Variants in TMX4 observed in about 807,000 individuals in gnomAD.
TMX4 encodes thioredoxin related transmembrane protein 4.
In TMX4, 23 loss-of-function variants were observed where a neutral mutation model predicts 33.3. That is an observed-to-expected ratio of 0.69 (90% CI 0.50 to 0.98). TMX4 has a LOEUF of 0.98. Among genes scored for constraint, TMX4 ranks in the 50% least tolerant of loss-of-function variants. The probability of loss-of-function intolerance (pLI) is 0.00; values close to 1 mark genes in which losing one functional copy is unlikely to be tolerated. For synonymous variants in TMX4, 164 were observed against 161.5 expected, an observed-to-expected ratio of 1.02 and a Z score of -0.12; for missense variants, 399 against 448.9, an observed-to-expected ratio of 0.89 and a Z score of 1.01.
rs552961799 is a variant in TMX4, at chr20:7,977,506, T to C, written c.*4745A>G. ...TTTTGATGCAAATGGGAATTTACAA[T>C]AAAATGAAACAAATAGGATCAGGGA... On this transcript the variant is annotated 3_prime_UTR_variant, in exon 8 of 8. Transcript: ENST00000246024. The C allele has an allele frequency of 9.2e-5, 14 of 152,316 alleles. No individual in the cohort carries two copies. Among genetic ancestry groups the C allele is most frequent in the Admixed American group, 4.6e-4 (7 of 15,296 alleles). 9.4% of individuals were successfully genotyped at this position (152,316 alleles called of 1,614,324 possible).
intron 7 of TMX4, among the ~76,000 whole-genome samples, chr20:7,982,894 T>C (rs1226516976): frequency 6.6e-6 from 1 of 152,176 alleles, no homozygotes; most frequent in African/African-American, 2.4e-5. Flanking sequence ...ATTTTGTGTC[T>C]TGTAGAAAGC....
rs1213162346 is a variant in TMX4 at position 7,977,388 on chromosome 20, A to AT, written c.*4862dup. On this transcript the variant is annotated 3_prime_UTR_variant, in exon 8 of 8. Coordinates refer to ENST00000246024, the MANE Select transcript of TMX4 (RefSeq NM_021156.4). Reference sequence around the variant, plus strand: ...GGAAAATTTTTTTTAACAAATTAATATTTTTTGCTGCCTAGGCAAATGGCT... The same window carrying AT: ...GGAAAATTTTTTTTAACAAATTAATATTTTTTTGCTGCCTAGGCAAATGGCT... 8 of 152,224 alleles carry AT rather than the reference A, an allele frequency of 5.3e-5. No individual in the cohort carries two copies. The highest frequency in any genetic ancestry group is 1.5e-5 in the Non-Finnish European group (1 of 68,036). 9.4% of individuals were successfully genotyped at this position (152,224 alleles called of 1,614,324 possible).
chr20:7,999,960 T>A, intron 3 of TMX4, 100 bp from the exon 4 acceptor site: 1 of 1,279,174 alleles, frequency 7.8e-7, no homozygotes. Flanking sequence ...CTGAACGCCA[T>A]CTGAACTTTA....
chr20:7,985,171 T>A (rs920348865), intron 6 of TMX4, among the ~76,000 whole-genome samples: 1 of 151,660 alleles, frequency 6.6e-6, no homozygotes, highest in Non-Finnish European at 1.5e-5. Flanking sequence ...AAAGCAAAAA[T>A]TCTAGCAGTT....
chr20:7,999,888 C>T, intron 3 of TMX4, 28 bp from the exon 4 acceptor site: 1 of 1,592,140 alleles, frequency 6.3e-7, no homozygotes, highest in Non-Finnish European at 8.5e-7. Flanking sequence ...AAGTAGAAAG[C>T]AAATGCATTA....
chr20:7,984,644 G>A (rs1483573811), intron 6 of TMX4, among the ~76,000 whole-genome samples: 1 of 151,948 alleles, frequency 6.6e-6, no homozygotes, highest in Non-Finnish European at 1.5e-5. Context: ...ATTTATAATT[G>A]ACACACAGTA....
rs555973561 is a variant in TMX4, at chr20:7,988,589, T to G, written c.514-1200A>C. Among the ~76,000 whole-genome samples, 84 of 152,328 alleles carry G rather than the reference T, an allele frequency of 5.5e-4. 1 individual carries two copies. Among genetic ancestry groups the G allele is most frequent in the Admixed American group, 5.2e-3 (80 of 15,296 alleles). On this transcript the variant is annotated intron_variant, in intron 5 of 7. Coordinates refer to ENST00000246024, the MANE Select transcript of TMX4 (RefSeq NM_021156.4). Reference sequence around the variant, plus strand: ...AATCAAAGTGTTCAATCAGTATTTGTTGAATAAGGAAAAGATGCATCAAAT... The same window carrying G: ...AATCAAAGTGTTCAATCAGTATTTGGTGAATAAGGAAAAGATGCATCAAAT...
rs554526422 is a variant in TMX4, at chr20:8,019,254, G to C, written c.176+184C>G. ...AAGGCGGGTCCGCGGACCCCAGGTC[G>C]AGCCCAGCGGCAGTGCAGGATCGCA... On this transcript the variant is annotated intron_variant, in intron 1 of 7. Transcript: ENST00000246024. 1,757 of 692,852 alleles carry C rather than the reference G, an allele frequency of 2.5e-3. 2 individuals carry two copies. The highest frequency in any genetic ancestry group is 3.3e-3 in the Non-Finnish European group (1,488 of 452,562). 42.9% of individuals were successfully genotyped at this position (692,852 alleles called of 1,614,324 possible).
At position 7,980,332 on chromosome 20, in the gene TMX4, G is replaced by A. The variant is rs2050599745; in HGVS notation, c.*1919C>T. Reference sequence around the variant, plus strand: ...TAATACCTCTGAACCTGAGTTTACTGTTCTTTGAGAACTCTGTTTCAGCTG... The same window carrying A: ...TAATACCTCTGAACCTGAGTTTACTATTCTTTGAGAACTCTGTTTCAGCTG... On this transcript the variant is annotated 3_prime_UTR_variant, in exon 8 of 8. Coordinates refer to ENST00000246024, the MANE Select transcript of TMX4 (RefSeq NM_021156.4). 2 of 152,142 alleles carry A rather than the reference G, an allele frequency of 1.3e-5. No individual in the cohort carries two copies. The highest frequency in any genetic ancestry group is 4.8e-5 in the African/African-American group (2 of 41,424). The allele number at this position is 152,142 out of a possible 1,614,324, so 9.4% of individuals were successfully genotyped here. A position where few individuals can be genotyped will look rare whatever the true frequency, so the allele number is the denominator to read the frequency against.
rs576573206 is a variant in TMX4, at chr20:8,019,679, C to T, written c.-66G>A. ...AAGGGCAGCGGCCGGCCCGCAGCCTCGCTCGCCCGCCGGGTTTTTCAAGGA... is the reference window on the plus strand; with the variant it reads ...AAGGGCAGCGGCCGGCCCGCAGCCTTGCTCGCCCGCCGGGTTTTTCAAGGA... On this transcript the variant is annotated 5_prime_UTR_variant, in exon 1 of 8. Coordinates refer to ENST00000246024, the MANE Select transcript of TMX4 (RefSeq NM_021156.4). The T allele has an allele frequency of 8.0e-3, 9,988 of 1,244,436 alleles. 56 individuals carry two copies. The highest frequency in any genetic ancestry group is 9.0e-3 in the Non-Finnish European group (8,856 of 985,186). The allele number at this position is 1,244,436 out of a possible 1,614,324, so 77.1% of individuals were successfully genotyped here.
chr20:7,979,359 A>G lies in TMX4; in HGVS notation c.*2892T>C, dbSNP rs1232945246. ...GAAAATCAGGAAAAATGGTTCCCACAGATATTTAAAGTTTTAATGGGTCCT... is the reference window on the plus strand; with the variant it reads ...GAAAATCAGGAAAAATGGTTCCCACGGATATTTAAAGTTTTAATGGGTCCT... On this transcript the variant is annotated 3_prime_UTR_variant, in exon 8 of 8. Transcript: ENST00000246024. 2.0e-5 allele frequency: 3 copies of G among 152,200 alleles called. No individual in the cohort carries two copies. The highest frequency in any genetic ancestry group is 7.2e-5 in the African/African-American group (3 of 41,444). 9.4% of individuals were successfully genotyped at this position (152,200 alleles called of 1,614,324 possible).
intron 1 of TMX4, among the ~76,000 whole-genome samples, chr20:8,014,588 A>G (rs1273298333): frequency 2.0e-5 from 3 of 152,224 alleles, no homozygotes; most frequent in African/African-American, 4.8e-5. Context: ...GTACAAAAGC[A>G]TATCAATAAA....
At position 7,982,303 on chromosome 20, in the gene TMX4, A is replaced by T. The variant is rs1389613389; in HGVS notation, c.998T>A (p.Val333Glu). Reference protein sequence around the residue: ...EQPCPADTEVVEDSLRQRKSQ... With the variant: ...EQPCPADTEVEEDSLRQRKSQ... ...TTTACGCTGCCTCAAGGAGTCTTCC[A>T]CCACCTCTGTGTCAGCTGGGCAGGG... The change falls in exon 8 of 8, where the codon GTG (valine) becomes GAG (glutamate). Residue 333 changes from valine (V) to glutamate (E), a missense_variant. By Grantham distance (121) the Val-to-Glu change is moderately radical. Transcript: ENST00000246024. 6.2e-7 allele frequency: 1 copy of T among 1,614,068 alleles called. No homozygotes were observed. The highest frequency in any genetic ancestry group is 1.3e-5 in the African/African-American group (1 of 75,028).
At chr20:8,009,103 T>C (rs1316552468) in intron 2 of TMX4, among the ~76,000 whole-genome samples, 1 of 152,142 alleles carries the variant, frequency 6.6e-6, no homozygotes, top group African/African-American at 2.4e-5. Flanking sequence ...AGGTATAAAT[T>C]GAATGTCAAT....
chr20:7,988,552 A>G (rs918367860), intron 5 of TMX4, among the ~76,000 whole-genome samples: 2 of 152,246 alleles, frequency 1.3e-5, no homozygotes, highest in Admixed American at 6.5e-5. Context: ...TAGTTTAAAC[A>G]CTGACACATG....
intron 1 of TMX4, 134 bp downstream of exon 1, chr20:8,019,304 G>A (rs1314584346): frequency 2.1e-5 from 23 of 1,119,572 alleles, no homozygotes; most frequent in South Asian, 3.6e-5. Flanking sequence ...GGCGCCGCAG[G>A]TTGTTGGCAA....
At chr20:7,992,944 A>C (rs558419193) in intron 5 of TMX4, among the ~76,000 whole-genome samples, 1 of 152,242 alleles carries the variant, frequency 6.6e-6, no homozygotes, top group African/African-American at 2.4e-5. Flanking sequence ...AAAATCACCC[A>C]TATCAGAGAA....
rs2050589729 is a variant in TMX4, at chr20:7,978,359, A to C, written c.*3892T>G. The stretch of plus-strand genomic sequence containing the variant: ...GGACTTCTAATGTTTCCATCCTATG[A>C]AACAACATACCAGCTCCACTACTGA... On this transcript the variant is annotated 3_prime_UTR_variant, in exon 8 of 8. Coordinates refer to ENST00000246024, the MANE Select transcript of TMX4 (RefSeq NM_021156.4). 6.6e-6 allele frequency: 1 copy of C among 152,202 alleles called. No homozygotes were observed. The highest frequency in any genetic ancestry group is 2.4e-5 in the African/African-American group (1 of 41,454). 9.4% of individuals were successfully genotyped at this position (152,202 alleles called of 1,614,324 possible).
rs1244342366 is a variant in TMX4, at chr20:8,004,308, G to A, written c.293-2767C>T. On this transcript the variant is annotated intron_variant, in intron 2 of 7. Coordinates refer to ENST00000246024, the MANE Select transcript of TMX4 (RefSeq NM_021156.4). ...ATACAGAAGCACCATCTGAGGTTGTGGCTTCAGGGTTTAATAACATTAAGT... is the reference window on the plus strand; with the variant it reads ...ATACAGAAGCACCATCTGAGGTTGTAGCTTCAGGGTTTAATAACATTAAGT... Among the ~76,000 whole-genome samples the A allele has an allele frequency of 2.6e-5, 4 of 152,272 alleles. No individual in the cohort carries two copies. In the East Asian group the frequency reaches 7.7e-4, roughly 29 times the overall value.
Sources: gnomAD v4.1 joint callset for allele counts (sites outside exome capture counted in the v4.1 genomes callset) on GRCh38, gnomAD v4.1.1 for gene constraint, MANE v1.5 for transcripts, NCBI Gene and HGNC (gene_info 2026-07-23, HGNC 2026-07-21) for gene names.